DLGAP1: variants seen among roughly 807,000 people sequenced by gnomAD.
DLGAP1 encodes disks large-associated protein 1.
In DLGAP1, 11 loss-of-function variants were observed where a neutral mutation model predicts 90.8. The ratio of observed to expected loss-of-function variants is 0.12; its 90% CI spans 0.08 to 0.20. DLGAP1 has a LOEUF of 0.20. Ranked by LOEUF, DLGAP1 falls within the 10% of genes least tolerant of loss-of-function variation. DLGAP1 has a pLI of 1.00. For synonymous variants in DLGAP1, 558 were observed against 540.7 expected (o/e 1.03, Z -0.44); for missense variants, 1,050 against 1,333.8 (o/e 0.79, Z 3.31).
intron 9 of DLGAP1, among the ~76,000 whole-genome samples, chr18:3,559,602 C>T (rs972419442): frequency 2.7e-5 from 4 of 147,604 alleles, no homozygotes; most frequent in African/African-American, 7.4e-5. Flanking sequence ...TTGCATTATG[C>T]ATTTACCACG....
At chr18:4,437,219 A>G (rs139025229) in intron 1 of DLGAP1, among the ~76,000 whole-genome samples, 38 of 152,366 alleles carry the variant, frequency 2.5e-4, no homozygotes, top group African/African-American at 9.1e-4. Context: ...TTTAGAGATA[A>G]GAAAAATAAT....
At chr18:3,535,190 T>A (rs2052284185) in intron 9 of DLGAP1, among the ~76,000 whole-genome samples, 1 of 151,914 alleles carries the variant, frequency 6.6e-6, no homozygotes. Flanking sequence ...AGAGCACGAA[T>A]CTCATTTTTG....
In DLGAP1 at chr18:3,997,469, C is replaced by T. The variant is rs371146117; in HGVS notation, c.-73+7647G>A. Among the ~76,000 whole-genome samples the T allele has an allele frequency of 8.5e-5, 4 of 46,830 alleles. 2 individuals are homozygous for T. Among genetic ancestry groups the T allele is most frequent in the African/African-American group, 2.0e-4 (2 of 9,842 alleles). 30.7% of individuals were successfully genotyped at this position (46,830 alleles called of 152,430 possible). ...AGGACAGAAAAGTCCTTATGAGGGCCTCAAGTTGCAGAGTTTTCTAAAGCC... is the reference window on the plus strand; with the variant it reads ...AGGACAGAAAAGTCCTTATGAGGGCTTCAAGTTGCAGAGTTTTCTAAAGCC... On this transcript the variant is annotated intron_variant, in intron 3 of 12. Transcript: ENST00000315677.
intron 7 of DLGAP1, chr18:3,607,282 A>G (rs1304557232): frequency 5.9e-5 from 9 of 152,090 alleles, no homozygotes; most frequent in Non-Finnish European, 1.2e-4. Flanking sequence ...CTCAGCCTCC[A>G]GAGTAGCTGG....
chr18:4,053,580 T>C (rs973049996), intron 2 of DLGAP1, among the ~76,000 whole-genome samples: 3 of 152,334 alleles, frequency 2.0e-5, no homozygotes, highest in South Asian at 4.1e-4. Context: ...TGGAAGTACA[T>C]AGCACCTCCC....
At chr18:4,045,428 T>C (rs1397706542) in intron 2 of DLGAP1, among the ~76,000 whole-genome samples, 1 of 38,382 alleles carries the variant, frequency 2.6e-5, no homozygotes, top group Non-Finnish European at 4.4e-5. Context: ...AGACCCCATC[T>C]CTACAAAAAA....
chr18:3,886,645 T>G lies in DLGAP1; in HGVS notation c.-72-6505A>C, dbSNP rs550448012. Among the ~76,000 whole-genome samples, 233 of 152,288 alleles carry G rather than the reference T, an allele frequency of 1.5e-3. 1 individual carries two copies. Among genetic ancestry groups the G allele is most frequent in the Non-Finnish European group, 2.7e-3 (185 of 68,026 alleles). On this transcript the variant is annotated intron_variant, in intron 3 of 12. Transcript: ENST00000315677. ...TCCTTCTAACTCTCTATCTCTCAAGTCAACTTTTTGGCATCCCTCCACCTG... is the reference window on the plus strand; with the variant it reads ...TCCTTCTAACTCTCTATCTCTCAAGGCAACTTTTTGGCATCCCTCCACCTG...
intron 2 of DLGAP1, among the ~76,000 whole-genome samples, chr18:4,056,202 T>C (rs2075214178): frequency 6.6e-6 from 1 of 152,016 alleles, no homozygotes; most frequent in African/African-American, 2.4e-5. Flanking sequence ...GATCCTGTCA[T>C]GAAAGAAAGG....
intron 3 of DLGAP1, among the ~76,000 whole-genome samples, chr18:3,979,173 G>A (rs1034270281): frequency 6.6e-6 from 1 of 152,068 alleles, no homozygotes; most frequent in East Asian, 1.9e-4. Context: ...ATAATGTTTC[G>A]GTCAACCACA....
intron 7 of DLGAP1, among the ~76,000 whole-genome samples, chr18:3,621,076 A>G (rs934252391): frequency 1.1e-4 from 17 of 152,280 alleles, no homozygotes; most frequent in Admixed American, 3.9e-4. Flanking sequence ...TCCTTCTGGT[A>G]ATTCTGAGGC....
intron 4 of DLGAP1, among the ~76,000 whole-genome samples, chr18:3,830,550 G>T (rs985091123): frequency 1.2e-4 from 19 of 152,192 alleles, no homozygotes; most frequent in African/African-American, 4.6e-4. Context: ...TGGGAACCAG[G>T]GCAAGACTCT....
chr18:4,422,798 T>C (rs2083069858), intron 1 of DLGAP1, among the ~76,000 whole-genome samples: 1 of 152,104 alleles, frequency 6.6e-6, no homozygotes, highest in African/African-American at 2.4e-5. Context: ...CAAACTTTCA[T>C]TATATTTAAG....
At chr18:3,784,238 G>C (rs2065339097) in intron 5 of DLGAP1, among the ~76,000 whole-genome samples, 2 of 152,074 alleles carry the variant, frequency 1.3e-5, no homozygotes, top group Admixed American at 6.5e-5. Context: ...TGCATCCTAG[G>C]CTCCCCCGAG....
At chr18:3,881,574 GCA>G (rs1479105305) in intron 3 of DLGAP1, among the ~76,000 whole-genome samples, 1 of 152,132 alleles carries the variant, frequency 6.6e-6, no homozygotes, top group African/African-American at 2.4e-5. Context: ...AGCCATGTAA[GCA>G]CACAGTAATA....
At chr18:3,587,358 A>G (rs927161917) in intron 7 of DLGAP1, among the ~76,000 whole-genome samples, 2 of 152,156 alleles carry the variant, frequency 1.3e-5, no homozygotes, top group African/African-American at 2.4e-5. Flanking sequence ...CCCTGCAAGA[A>G]TTGAGAGGTG....
intron 1 of DLGAP1, among the ~76,000 whole-genome samples, chr18:4,209,297 G>A (rs565781509): frequency 2.6e-5 from 4 of 152,266 alleles, no homozygotes; most frequent in East Asian, 3.9e-4. Flanking sequence ...GAGGCCAAAA[G>A]AGACAAACTG....
chr18:3,502,120 G>A, intron 12 of DLGAP1: 2 of 1,055,804 alleles, frequency 1.9e-6, no homozygotes, highest in Non-Finnish European at 2.3e-6. Context: ...CATCCTAGGG[G>A]TGTAAGGAAG....
intron 1 of DLGAP1, among the ~76,000 whole-genome samples, chr18:4,246,158 G>A (rs960249494): frequency 6.6e-6 from 1 of 152,078 alleles, no homozygotes; most frequent in African/African-American, 2.4e-5. Flanking sequence ...CCCCCAGTAG[G>A]AGCAGCATGA....
At position 3,932,699 on chromosome 18, in the gene DLGAP1, A is replaced by G. The variant is rs1315836933; in HGVS notation, c.-72-52559T>C. 1.1e-4 allele frequency among the ~76,000 whole-genome samples: 17 copies of G among 152,204 alleles called. 1 individual carries two copies. The highest frequency in any genetic ancestry group is 1.1e-3 in the Admixed American group (17 of 15,280). ...CATGAACAGGATCAGTGCAAAAACAATCACTTTCCCAGCCCTAAATACTCA... is the reference window on the plus strand; with the variant it reads ...CATGAACAGGATCAGTGCAAAAACAGTCACTTTCCCAGCCCTAAATACTCA... On this transcript the variant is annotated intron_variant, in intron 3 of 12. Transcript: ENST00000315677.
Sources: gnomAD v4.1 joint callset for allele counts (sites outside exome capture counted in the v4.1 genomes callset) on GRCh38, gnomAD v4.1.1 for gene constraint, MANE v1.5 for transcripts, NCBI Gene and HGNC (gene_info 2026-07-23, HGNC 2026-07-21) for gene names.